Variants in EIF4H observed in about 807,000 individuals in gnomAD.
EIF4H encodes Williams-Beuren syndrome chromosome region 1.
Under a neutral mutation model 30.6 loss-of-function variants are expected in EIF4H, and 8 were observed. The ratio of observed to expected loss-of-function variants is 0.26; its 90% CI spans 0.15 to 0.47. EIF4H has a LOEUF of 0.47. Ranked by LOEUF, EIF4H falls within the 20% of genes least tolerant of loss-of-function variation. EIF4H has a pLI of 0.99. For synonymous variants in EIF4H, 106 were observed against 122.7 expected (o/e 0.86, Z 0.90); for missense variants, 188 against 339.5 (o/e 0.55, Z 3.51).
intron 5 of EIF4H, among the ~76,000 whole-genome samples, chr7:74,191,605 CTA>C (rs1158493206): frequency 6.6e-6 from 1 of 151,706 alleles, no homozygotes; most frequent in Non-Finnish European, 1.5e-5. Flanking sequence ...TAGGATGGTG[CTA>C]TTTTTTTTAA....
Position 74,178,682 on chromosome 7 carries a change from C to T in EIF4H, c.59+4240C>T, listed in dbSNP as rs181276868. 2.0e-5 allele frequency among the ~76,000 whole-genome samples: 3 copies of T among 152,312 alleles called. No homozygotes were observed. The East Asian group carries it at 5.8e-4, about 29-fold the overall frequency. On this transcript the variant is annotated intron_variant, in intron 1 of 6. Transcript: ENST00000265753. ...ATCACACTCTGGCTTCCAGCTTCCC[C>T]TGGAAGGTTCAGGAGAGTATTTGTC...
At chr7:74,176,310 T>C (rs1241772114) in intron 1 of EIF4H, among the ~76,000 whole-genome samples, 3 of 151,368 alleles carry the variant, frequency 2.0e-5, no homozygotes, top group Non-Finnish European at 4.4e-5. Flanking sequence ...TGATCTCGGC[T>C]CACTGCAACC....
At chr7:74,181,679 G>A (rs1554708422) in intron 1 of EIF4H, among the ~76,000 whole-genome samples, 1 of 152,016 alleles carries the variant, frequency 6.6e-6, no homozygotes, top group African/African-American at 2.4e-5. Flanking sequence ...CCCGACCTCA[G>A]GTAATCTGCC....
In EIF4H at chr7:74,195,972, C is replaced by T. The variant is rs1801342340; in HGVS notation, c.*664C>T. Reference sequence around the variant, plus strand: ...AGTGGACTGTCCAAGCAGATAGGCTCACACGAGAAACAGTGAGGCTGAAAG... The same window carrying T: ...AGTGGACTGTCCAAGCAGATAGGCTTACACGAGAAACAGTGAGGCTGAAAG... On this transcript the variant is annotated 3_prime_UTR_variant, in exon 7 of 7. Coordinates refer to ENST00000265753, the MANE Select transcript of EIF4H (RefSeq NM_022170.2). The T allele has an allele frequency of 6.6e-6, 1 of 152,314 alleles. No individual in the cohort carries two copies. The highest frequency in any genetic ancestry group is 6.6e-5 in the Admixed American group (1 of 15,266). 9.4% of individuals were successfully genotyped at this position (152,314 alleles called of 1,614,324 possible). A position where few individuals can be genotyped will look rare whatever the true frequency, so the allele number is the denominator to read the frequency against.
At chr7:74,187,386 G>C (rs1400757161) in intron 1 of EIF4H, among the ~76,000 whole-genome samples, 1 of 152,146 alleles carries the variant, frequency 6.6e-6, no homozygotes, top group Non-Finnish European at 1.5e-5. Context: ...AGCCAAGATT[G>C]TGCCACTGCA....
intron 1 of EIF4H, 38 bp downstream of exon 1, chr7:74,174,480 G>A (rs782107392): frequency 8.1e-6 from 11 of 1,362,314 alleles, no homozygotes; most frequent in South Asian, 1.9e-5. Context: ...GGGGGCTGCG[G>A]GACCGGCGGA....
intron 1 of EIF4H, among the ~76,000 whole-genome samples, chr7:74,175,642 G>A (rs1038810228): frequency 6.6e-6 from 1 of 151,886 alleles, no homozygotes; most frequent in African/African-American, 2.4e-5. Context: ...AGTAAATGTT[G>A]GATGACATGA....
chr7:74,191,924 C>G (rs1801227368), intron 5 of EIF4H, among the ~76,000 whole-genome samples: 1 of 152,088 alleles, frequency 6.6e-6, no homozygotes, highest in African/African-American at 2.4e-5. Context: ...GGACTACAGG[C>G]ACCCACCACC....
At chr7:74,192,230 T>G (rs1281913774) in intron 5 of EIF4H, among the ~76,000 whole-genome samples, 4 of 152,232 alleles carry the variant, frequency 2.6e-5, no homozygotes, top group Admixed American at 1.3e-4. Flanking sequence ...AAAGGTACAC[T>G]TCACAGTTTA....
In EIF4H at chr7:74,189,927, T is replaced by C. The variant is rs781788113; in HGVS notation, c.409+9T>C. Reference sequence around the variant, plus strand: ...TGGACCAGATGACAGAGGTGATTGGTTCTTCTAAAGCTGAACATCATAAAG... The same window carrying C: ...TGGACCAGATGACAGAGGTGATTGGCTCTTCTAAAGCTGAACATCATAAAG... On this transcript the variant is annotated intron_variant, in intron 4 of 6. Transcript: ENST00000265753. The C allele has an allele frequency of 1.2e-6, 2 of 1,613,808 alleles. No individual in the cohort carries two copies. The highest frequency in any genetic ancestry group is 3.3e-4 in the Middle Eastern group (2 of 6,062).
intron 2 of EIF4H, 141 bp from the exon 3 acceptor site, chr7:74,189,532 C>T: frequency 1.2e-6 from 1 of 834,468 alleles, no homozygotes; most frequent in Non-Finnish European, 1.9e-6. Context: ...AGGGTTCTAT[C>T]TATTGAAAGG....
chr7:74,176,676 C>T (rs148796493), intron 1 of EIF4H, among the ~76,000 whole-genome samples: 49 of 152,260 alleles, frequency 3.2e-4, no homozygotes, highest in African/African-American at 1.2e-3. Flanking sequence ...AAGTTTATTT[C>T]GTAGTTGTGT....
chr7:74,189,059 G>A (rs1801149242), intron 2 of EIF4H, among the ~76,000 whole-genome samples: 1 of 152,088 alleles, frequency 6.6e-6, no homozygotes, highest in Admixed American at 6.6e-5. Flanking sequence ...CAGCATCTGG[G>A]GAGTAATGAA....
intron 5 of EIF4H, among the ~76,000 whole-genome samples, chr7:74,193,207 C>T (rs1454192409): frequency 1.3e-5 from 2 of 152,144 alleles, no homozygotes; most frequent in East Asian, 1.9e-4. Flanking sequence ...CTTCAGACAG[C>T]GATGTCACCA....
At chr7:74,181,097 T>A (rs1800950657) in intron 1 of EIF4H, among the ~76,000 whole-genome samples, 2 of 152,156 alleles carry the variant, frequency 1.3e-5, no homozygotes, top group South Asian at 4.1e-4. Context: ...TGTGTAACCA[T>A]TGCCACTATC....
intron 2 of EIF4H, 57 bp from the exon 3 acceptor site, chr7:74,189,616 C>T: frequency 1.9e-6 from 3 of 1,597,804 alleles, no homozygotes; most frequent in East Asian, 4.5e-5. Context: ...ATAGGATCTT[C>T]CCACATCTTT....
At chr7:74,178,441 G>C (rs1800887789) in intron 1 of EIF4H, among the ~76,000 whole-genome samples, 1 of 152,030 alleles carries the variant, frequency 6.6e-6, no homozygotes, top group East Asian at 1.9e-4. Flanking sequence ...CTACTTGGGA[G>C]GCTGAGGCAG....
chr7:74,180,503 G>A (rs1800936350), intron 1 of EIF4H, among the ~76,000 whole-genome samples: 1 of 152,214 alleles, frequency 6.6e-6, no homozygotes, highest in Admixed American at 6.5e-5. Context: ...TCAAGTGCAT[G>A]GTGGGAAAGC....
chr7:74,191,494 T>G (rs1306964755), intron 5 of EIF4H, among the ~76,000 whole-genome samples: 1 of 152,134 alleles, frequency 6.6e-6, no homozygotes, highest in African/African-American at 2.4e-5. Flanking sequence ...CTGCAGTGTT[T>G]TGGTGACATC....
Sources: gnomAD v4.1 joint callset for allele counts (sites outside exome capture counted in the v4.1 genomes callset) on GRCh38, gnomAD v4.1.1 for gene constraint, MANE v1.5 for transcripts, NCBI Gene and HGNC (gene_info 2026-07-23, HGNC 2026-07-21) for gene names.